The following BPIFC variants were observed in gnomAD, a reference collection of about 807,000 sequenced individuals.
The protein encoded by BPIFC is BPI fold-containing family C protein.
BPIFC carries 60 observed loss-of-function variants against 57.6 expected under a neutral mutation model. That is an observed-to-expected ratio of 1.04 (90% CI 0.85 to 1.29). The LOEUF (loss-of-function observed/expected upper bound fraction) is 1.29. Among genes scored for constraint, BPIFC ranks in the 50% most tolerant of loss-of-function variants. The pLI, the probability that BPIFC is intolerant of heterozygous loss-of-function variation, is 0.00. For missense variants in BPIFC, 581 were observed against 600.5 expected, an observed-to-expected ratio of 0.97 and a Z score of 0.34; for synonymous variants, 243 against 224.5, an observed-to-expected ratio of 1.08 and a Z score of -0.74.
Position 32,446,988 on chromosome 22 carries a change from A to G in BPIFC, c.374+224T>C, listed in dbSNP as rs901393269. ...CTAGTTCTTAAGAGAATCTTAAATG[A>G]CATTTGATCATATGCTCTGCCTTTA... On this transcript the variant is annotated intron_variant, in intron 5 of 16. Transcript: ENST00000300399. Among the ~76,000 whole-genome samples the G allele has an allele frequency of 8.5e-5, 13 of 152,196 alleles. No homozygotes were observed. The East Asian group carries it at 2.5e-3, about 29-fold the overall frequency.
In BPIFC at chr22:32,424,699, T is replaced by G. The variant is rs1218944766; in HGVS notation, c.1218-5295A>C. 9.8e-5 allele frequency among the ~76,000 whole-genome samples: 10 copies of G among 101,734 alleles called. 2 individuals carry two copies. Among genetic ancestry groups the G allele is most frequent in the Non-Finnish European group, 1.5e-4 (8 of 53,090 alleles). 66.7% of individuals were successfully genotyped at this position (101,734 alleles called of 152,430 possible). On this transcript the variant is annotated intron_variant, in intron 13 of 16. Coordinates refer to ENST00000300399, the MANE Select transcript of BPIFC (RefSeq NM_174932.3). ...CTTCTTCTTCTTCTTCTTCCTCTTC[T>G]TCTTCCTCTTCTTCTTCCTCTTCTT...
chr22:32,453,488 A>T lies in BPIFC; in HGVS notation c.140T>A (p.Met47Lys). The T allele has an allele frequency of 6.3e-7, 1 of 1,599,732 alleles. No individual in the cohort carries two copies. Among genetic ancestry groups the T allele is most frequent in the Non-Finnish European group, 8.5e-7 (1 of 1,175,882 alleles). ...RALDYGVQAGMKMIEQMLKEK... is the reference protein window; with the variant it reads ...RALDYGVQAGKKMIEQMLKEK... ...TTTTAGCATTTGCTCAATCATCTTC[A>T]TTCCAGCTTGAACACCTGTGAAGGA... The change falls in exon 4 of 17, where the codon ATG becomes AAG. Residue 47 changes from methionine (M) to lysine (K), a missense_variant. Physicochemically the swap from Met to Lys is moderately conservative, Grantham distance 95. Transcript: ENST00000300399.
At chr22:32,425,424 G>T (rs1415807206) in intron 13 of BPIFC, among the ~76,000 whole-genome samples, 1 of 152,086 alleles carries the variant, frequency 6.6e-6, no homozygotes, top group African/African-American at 2.4e-5. Flanking sequence ...CAATAGCCAT[G>T]AATTATACAA....
Position 32,432,388 on chromosome 22 carries a change from G to A in BPIFC, c.1134C>T (p.Ile378=), listed in dbSNP as rs117216213. 2.7e-4 allele frequency: 434 copies of A among 1,614,052 alleles called. No individual in the cohort carries two copies. The highest frequency in any genetic ancestry group is 2.5e-3 in the African/African-American group (184 of 75,040). The part of the protein sequence containing the change: ...TQPKNSTVET[I]VSMDFVASTS... The stretch of plus-strand genomic sequence containing the variant: ...CCAGACTTACGAAGTCCATGGAAAC[G>A]ATGGTTTCAACTGTGGAGTTCTTGG... The change falls in exon 12 of 17, where the codon ATC becomes ATT. Residue 378 remains isoleucine (I), a synonymous_variant. Coordinates refer to ENST00000300399, the MANE Select transcript of BPIFC (RefSeq NM_174932.3).
At chr22:32,424,714 TTCCTCTTCTTCTTCC>T (rs1933990891) in intron 13 of BPIFC, among the ~76,000 whole-genome samples, 1 of 93,738 alleles carries the variant, frequency 1.1e-5, no homozygotes, top group African/African-American at 6.1e-5. Flanking sequence ...CCTCTTCTTC[TTCCTCTTCTTCTTCC>T]TCTTCTTCTT....
chr22:32,449,944 C>T (rs1052749956), intron 4 of BPIFC, among the ~76,000 whole-genome samples: 2 of 151,916 alleles, frequency 1.3e-5, no homozygotes, highest in African/African-American at 4.8e-5. Context: ...CCGTGTTAGC[C>T]AGGATGGTCT....
At chr22:32,437,673 G>C in intron 9 of BPIFC, 87 bp downstream of exon 9, 1 of 965,148 alleles carries the variant, frequency 1.0e-6, no homozygotes, top group South Asian at 1.4e-5. Flanking sequence ...TTACAGGTGT[G>C]AGGCACCGTG....
At chr22:32,443,383 T>C (rs1601469942) in intron 7 of BPIFC, among the ~76,000 whole-genome samples, 1 of 152,166 alleles carries the variant, frequency 6.6e-6, no homozygotes, top group East Asian at 1.9e-4. Flanking sequence ...CAGGATGGTC[T>C]CGATCTCCTG....
Position 32,445,852 on chromosome 22 carries a change from G to A in BPIFC, c.519C>T (p.Ser173=), listed in dbSNP as rs752704609. The change falls in exon 6 of 17, where the codon TCC becomes TCT. Residue 173 remains serine (S), a synonymous_variant. Transcript: ENST00000300399. ...AQLSHAHVSF[S]GELSVLYNSF... is the part of the protein sequence containing the mutation. ...GGGCTCTCATTCACCTGAGTTCTCC[G>A]GAAAATGAGACGTGGGCATGGCTCA... The A allele has an allele frequency of 5.9e-5, 95 of 1,613,820 alleles. 1 individual carries two copies. Among genetic ancestry groups the A allele is most frequent in the Middle Eastern group, 4.9e-4 (3 of 6,084 alleles).
chr22:32,414,020 A>G lies in BPIFC; in HGVS notation c.*283T>C, dbSNP rs1176141539. The G allele has an allele frequency of 2.6e-5, 6 of 235,182 alleles. No homozygotes were observed. 14.6% of individuals were successfully genotyped at this position (235,182 alleles called of 1,614,324 possible). A position where few individuals can be genotyped will look rare whatever the true frequency, so the allele number is the denominator to read the frequency against. ...TGCTTACCCACCTGGTCAGAAGTAC[A>G]TGCCTAGCTCTTGTCCTAGAATCTT... On this transcript the variant is annotated 3_prime_UTR_variant, in exon 17 of 17. Coordinates refer to ENST00000300399, the MANE Select transcript of BPIFC (RefSeq NM_174932.3).
At chr22:32,420,910 T>C (rs1252890920) in intron 13 of BPIFC, among the ~76,000 whole-genome samples, 1 of 152,168 alleles carries the variant, frequency 6.6e-6, no homozygotes, top group Non-Finnish European at 1.5e-5. Flanking sequence ...TTGAATGAAA[T>C]GATGCACATA....
chr22:32,424,667 T>C (rs1462229636), intron 13 of BPIFC, among the ~76,000 whole-genome samples: 14 of 73,902 alleles, frequency 1.9e-4, no homozygotes, highest in East Asian at 1.1e-3. Context: ...TTCTTCTTCT[T>C]CTTCTTCTTC....
chr22:32,450,852 C>T (rs932428607), intron 4 of BPIFC, among the ~76,000 whole-genome samples: 7 of 152,024 alleles, frequency 4.6e-5, no homozygotes, highest in Non-Finnish European at 1.0e-4. Context: ...ATCTGAAATA[C>T]GTCTTGTTCC....
chr22:32,426,819 G>A (rs1265876790), intron 13 of BPIFC, among the ~76,000 whole-genome samples: 1 of 151,830 alleles, frequency 6.6e-6, no homozygotes, highest in African/African-American at 2.4e-5. Context: ...TGGAACCCGG[G>A]GTGCAGAAGC....
At chr22:32,430,935 C>T (rs1350002389) in intron 13 of BPIFC, among the ~76,000 whole-genome samples, 1 of 152,044 alleles carries the variant, frequency 6.6e-6, no homozygotes, top group Non-Finnish European at 1.5e-5. Flanking sequence ...TAAGATGGCA[C>T]CTGACCATAT....
chr22:32,424,641 TCTC>T, intron 13 of BPIFC, among the ~76,000 whole-genome samples: 1 of 35,558 alleles, frequency 2.8e-5, no homozygotes, highest in Non-Finnish European at 4.8e-5. Flanking sequence ...TTCTTCTTCT[TCTC>T]TTCTTCTTCT....
At chr22:32,446,789 G>C in intron 5 of BPIFC, 2 of 985,390 alleles carry the variant, frequency 2.0e-6, no homozygotes, top group Non-Finnish European at 2.4e-6. Context: ...TTGGGCTCAG[G>C]CTTAAGCTGA....
chr22:32,429,962 G>A (rs889388766), intron 13 of BPIFC, among the ~76,000 whole-genome samples: 4 of 152,070 alleles, frequency 2.6e-5, no homozygotes, highest in Non-Finnish European at 4.4e-5. Context: ...AGTCTATGCC[G>A]TCTAATCTTT....
intron 13 of BPIFC, among the ~76,000 whole-genome samples, chr22:32,425,062 G>T (rs556044469): frequency 1.3e-5 from 2 of 152,066 alleles, no homozygotes; most frequent in African/African-American, 4.8e-5. Flanking sequence ...GATTATAGGC[G>T]TGAGCCACCA....
Sources: allele counts gnomAD v4.1 joint callset (sites outside exome capture counted in the v4.1 genomes callset), GRCh38; gene constraint gnomAD v4.1.1; transcripts MANE v1.5; gene names NCBI Gene and HGNC (gene_info 2026-07-23, HGNC 2026-07-21).